Variants in CTNNA2 observed in about 807,000 individuals in gnomAD.
CTNNA2 encodes the protein catenin alpha-2.
CTNNA2 carries 42 observed loss-of-function variants against 101.0 expected under a neutral mutation model. The observed-to-expected ratio is 0.42, with a 90% CI of 0.32 to 0.54. The LOEUF is 0.54. CTNNA2 is among the 20% of genes least tolerant of loss of function. CTNNA2 has a pLI of 0.14. For missense variants in CTNNA2, 871 were observed against 1,223.1 expected (o/e 0.71, Z 4.29); for synonymous variants, 450 against 456.4 (o/e 0.99, Z 0.18).
chr2:80,201,227 G>A (rs1326023223), intron 7 of CTNNA2, among the ~76,000 whole-genome samples: 2 of 151,966 alleles, frequency 1.3e-5, no homozygotes, highest in Middle Eastern at 3.4e-3. Flanking sequence ...TTAATGCTCA[G>A]TTGCTTGAAT....
intron 7 of CTNNA2, among the ~76,000 whole-genome samples, chr2:80,179,365 GT>G (rs372879388): frequency 2.6e-5 from 4 of 151,684 alleles, no homozygotes; most frequent in Admixed American, 6.6e-5. Context: ...TGTCTTTCAA[GT>G]TTTTTTTTGT....
rs191073332 is a variant in CTNNA2 at position 80,611,203 on chromosome 2, A to G, written c.2430+2885A>G. On this transcript the variant is annotated intron_variant, in intron 17 of 18. Coordinates refer to ENST00000402739, the MANE Select transcript of CTNNA2 (RefSeq NM_001282597.3). Reference sequence around the variant, plus strand: ...AGTTTCAGAAGATTAAACCGTCTATAAATTGGCTTTATTTATTTGCTTAGT... The same window carrying G: ...AGTTTCAGAAGATTAAACCGTCTATGAATTGGCTTTATTTATTTGCTTAGT... 3.6e-3 allele frequency among the ~76,000 whole-genome samples: 528 copies of G among 145,774 alleles called. 5 individuals carry two copies. Among genetic ancestry groups the G allele is most frequent in the African/African-American group, 0.013 (494 of 37,860 alleles).
At chr2:80,177,979 G>C (rs1163409128) in intron 7 of CTNNA2, among the ~76,000 whole-genome samples, 1 of 152,198 alleles carries the variant, frequency 6.6e-6, no homozygotes, top group African/African-American at 2.4e-5. Flanking sequence ...CCCTAGAAAG[G>C]GGCTGTAGTG....
intron 7 of CTNNA2, among the ~76,000 whole-genome samples, chr2:80,388,349 AT>A (rs1287782147): frequency 6.6e-6 from 1 of 152,184 alleles, no homozygotes; most frequent in East Asian, 1.9e-4. Context: ...CTGGTTAGGT[AT>A]TGGCTAAACA....
chr2:79,907,673 C>A (rs572214780), intron 6 of CTNNA2, among the ~76,000 whole-genome samples: 1 of 152,264 alleles, frequency 6.6e-6, no homozygotes, highest in South Asian at 2.1e-4. Flanking sequence ...AGTAAACATC[C>A]CTTTTTCATC....
intron 9 of CTNNA2, among the ~76,000 whole-genome samples, chr2:80,481,995 A>G (rs1686188046): frequency 6.6e-6 from 1 of 152,154 alleles, no homozygotes; most frequent in African/African-American, 2.4e-5. Flanking sequence ...TCCAGTAAAT[A>G]GATCTCATTT....
At chr2:79,619,525 A>G (rs538854091) in intron 1 of CTNNA2, among the ~76,000 whole-genome samples, 59 of 152,220 alleles carry the variant, frequency 3.9e-4, no homozygotes, top group African/African-American at 1.3e-3. Context: ...TGAAACGGTG[A>G]TTTTTTACTT....
At chr2:79,903,615 G>C (rs1317551043) in intron 6 of CTNNA2, among the ~76,000 whole-genome samples, 2 of 152,152 alleles carry the variant, frequency 1.3e-5, no homozygotes, top group Non-Finnish European at 2.9e-5. Context: ...AGGAGGAATT[G>C]CCTGTGAAGG....
At chr2:80,413,855 C>G (rs1679802049) in intron 8 of CTNNA2, among the ~76,000 whole-genome samples, 1 of 152,236 alleles carries the variant, frequency 6.6e-6, no homozygotes, top group Non-Finnish European at 1.5e-5. Flanking sequence ...AAATCACCCT[C>G]TAACCCCAGT....
At chr2:79,760,607 G>A (rs1672725960) in intron 3 of CTNNA2, among the ~76,000 whole-genome samples, 1 of 152,092 alleles carries the variant, frequency 6.6e-6, no homozygotes, top group Non-Finnish European at 1.5e-5. Context: ...TCTACAAAAT[G>A]TCTAGAAAGC....
At chr2:79,186,915 G>A (rs1203565950) in intron 1 of CTNNA2, among the ~76,000 whole-genome samples, 2 of 152,138 alleles carry the variant, frequency 1.3e-5, no homozygotes, top group Non-Finnish European at 2.9e-5. Context: ...CAAAGTTCTA[G>A]GCTGAAAATT....
chr2:79,291,368 G>A (rs1206644234), intron 2 of CTNNA2, among the ~76,000 whole-genome samples: 5 of 152,130 alleles, frequency 3.3e-5, no homozygotes, highest in Non-Finnish European at 7.4e-5. Context: ...ATGTAGAGAT[G>A]ATATATCCAG....
At chr2:80,417,417 C>T (rs1446968716) in intron 8 of CTNNA2, among the ~76,000 whole-genome samples, 1 of 151,448 alleles carries the variant, frequency 6.6e-6, no homozygotes, top group Non-Finnish European at 1.5e-5. Context: ...TATTCATGGA[C>T]CCCCTGGTAG....
intron 8 of CTNNA2, among the ~76,000 whole-genome samples, chr2:80,410,600 GT>G (rs780528317): frequency 1.6e-4 from 24 of 152,294 alleles, no homozygotes; most frequent in Admixed American, 1.0e-3. Flanking sequence ...TCTAGCTTAT[GT>G]AAAAAGTGTT....
intron 7 of CTNNA2, among the ~76,000 whole-genome samples, chr2:80,102,538 C>G (rs944036703): frequency 6.6e-6 from 1 of 152,114 alleles, no homozygotes; most frequent in Admixed American, 6.6e-5. Flanking sequence ...GAGACAGAGT[C>G]TTCTTGCTCT....
At chr2:80,524,505 T>C (rs1375061723) in intron 9 of CTNNA2, among the ~76,000 whole-genome samples, 1 of 152,160 alleles carries the variant, frequency 6.6e-6, no homozygotes, top group East Asian at 1.9e-4. Context: ...AAAGTTGTTA[T>C]AACATCTTTG....
intron 3 of CTNNA2, among the ~76,000 whole-genome samples, chr2:79,330,591 T>G (rs754254294): frequency 9.2e-5 from 14 of 152,190 alleles, no homozygotes; most frequent in Non-Finnish European, 1.9e-4. Flanking sequence ...CATCTTGAAC[T>G]GTAGCTCCCA....
intron 4 of CTNNA2, among the ~76,000 whole-genome samples, chr2:79,381,650 T>G (rs1335160530): frequency 6.6e-6 from 1 of 152,178 alleles, no homozygotes; most frequent in Non-Finnish European, 1.5e-5. Context: ...ATACCTCAAT[T>G]GAGGAACTGA....
intron 7 of CTNNA2, among the ~76,000 whole-genome samples, chr2:80,132,090 T>C (rs1702448595): frequency 6.6e-6 from 1 of 152,032 alleles, no homozygotes; most frequent in Non-Finnish European, 1.5e-5. Flanking sequence ...TCAAAAAACA[T>C]GTATATATAA....
Sources: gnomAD v4.1 joint callset for allele counts (sites outside exome capture counted in the v4.1 genomes callset) on GRCh38, gnomAD v4.1.1 for gene constraint, MANE v1.5 for transcripts, NCBI Gene and HGNC (gene_info 2026-07-23, HGNC 2026-07-21) for gene names.